Variants in RNF157 observed in about 807,000 individuals in gnomAD.
RNF157 encodes E3 ubiquitin ligase RNF157.
RNF157 carries 55 observed loss-of-function variants against 88.3 expected under a neutral mutation model. The ratio of observed to expected loss-of-function variants is 0.62; its 90% confidence interval spans 0.50 to 0.78. The LOEUF is 0.78. RNF157 is among the 30% of genes least tolerant of loss of function. The pLI is 0.00. For missense variants in RNF157, 788 were observed against 860.8 expected (o/e 0.92, Z 1.06); for synonymous variants, 334 against 341.2 (o/e 0.98, Z 0.23).
At chr17:76,220,206 C>T (rs1450719179) in intron 1 of RNF157, among the ~76,000 whole-genome samples, 1 of 151,886 alleles carries the variant, frequency 6.6e-6, no homozygotes, top group African/African-American at 2.4e-5. Context: ...CAAGATGGGA[C>T]TAGAACATCT....
intron 2 of RNF157, among the ~76,000 whole-genome samples, chr17:76,201,078 A>G (rs1033651856): frequency 5.3e-5 from 8 of 152,018 alleles, no homozygotes; most frequent in Non-Finnish European, 8.8e-5. Context: ...ATTCTTCTAA[A>G]CCTATTTCCT....
Position 76,182,811 on chromosome 17 carries a change from ATATATATCC to A in RNF157, c.208-9030_208-9022del, listed in dbSNP as rs1400667945. 1.2e-4 allele frequency among the ~76,000 whole-genome samples: 16 copies of A among 132,790 alleles called. 1 individual carries two copies. Among genetic ancestry groups the A allele is most frequent in the Admixed American group, 3.0e-4 (4 of 13,548 alleles). 87.1% of individuals were successfully genotyped at this position (132,790 alleles called of 152,430 possible). A position where few individuals can be genotyped will look rare whatever the true frequency, so the allele number is the denominator to read the frequency against. On this transcript the variant is annotated intron_variant, in intron 2 of 18. Coordinates refer to ENST00000269391, the MANE Select transcript of RNF157 (RefSeq NM_052916.3). ...TATGAGAGATATATATATGAGAGAG[ATATATATCC>A]TATATATCCTATATATGATATATAG...
Position 76,146,785 on chromosome 17 carries a change from C to T in RNF157, c.1922-1432G>A. ...TGCAGTCCAGAGCCCAGCACAACAC[C>T]TGACCCATAGGAGGACCTGTTCAGC... On this transcript the variant is annotated intron_variant, in intron 18 of 18. Coordinates refer to ENST00000269391, the MANE Select transcript of RNF157 (RefSeq NM_052916.3). This position sits in a 1 kb window ranked among gnomAD's most constrained non-coding sequence, Gnocchi z 4.2. The T allele has an allele frequency of 1.1e-5, 11 of 985,408 alleles. No homozygotes were observed. The highest frequency in any genetic ancestry group is 1.3e-5 in the Non-Finnish European group (11 of 829,860). The allele number at this position is 985,408 out of a possible 1,614,324, so 61.0% of individuals were successfully genotyped here. A position where few individuals can be genotyped will look rare whatever the true frequency, so the allele number is the denominator to read the frequency against.
At position 76,145,371 on chromosome 17, in the gene RNF157, A is replaced by T; in HGVS notation, c.1922-18T>A. ...CCAGGCACCTGGGGAAGAGAAAATG[A>T]ACATTACAGGAGCCAGACCTTTGGC... On this transcript the variant is annotated intron_variant, in intron 18 of 18. Transcript: ENST00000269391. 1 of 1,594,006 alleles carries T rather than the reference A, an allele frequency of 6.3e-7. No individual in the cohort carries two copies. The highest frequency in any genetic ancestry group is 1.1e-5 in the South Asian group (1 of 90,198).
At chr17:76,207,108 A>C (rs1184453778) in intron 2 of RNF157, among the ~76,000 whole-genome samples, 1 of 152,174 alleles carries the variant, frequency 6.6e-6, no homozygotes, top group Non-Finnish European at 1.5e-5. Context: ...TCTGACCCTT[A>C]AGACTTGATA....
At chr17:76,225,768 TC>T (rs1446067395) in intron 1 of RNF157, 12 of 1,531,862 alleles carry the variant, frequency 7.8e-6, no homozygotes, top group Admixed American at 2.2e-5. Context: ...ACCCTTTTCT[TC>T]CCCCTTGCCT....
At chr17:76,149,125 TG>T (rs1051154439) in intron 18 of RNF157, among the ~76,000 whole-genome samples, 8 of 152,068 alleles carry the variant, frequency 5.3e-5, no homozygotes, top group African/African-American at 1.9e-4. Context: ...CCCTTGGTCT[TG>T]GGGCCCTGGA....
chr17:76,202,298 C>T (rs1012295945), intron 2 of RNF157, among the ~76,000 whole-genome samples: 17 of 152,202 alleles, frequency 1.1e-4, no homozygotes, highest in African/African-American at 4.1e-4. Context: ...AATCTCCAAA[C>T]ATAACACGTG....
intron 2 of RNF157, among the ~76,000 whole-genome samples, chr17:76,181,412 G>T (rs905795288): frequency 6.6e-6 from 1 of 152,144 alleles, no homozygotes; most frequent in East Asian, 1.9e-4. Context: ...TTGGAGCACA[G>T]TATGACAAAA....
chr17:76,175,982 T>A (rs112411199), intron 2 of RNF157, among the ~76,000 whole-genome samples: 1,572 of 152,290 alleles, frequency 0.01, 20 homozygotes, highest in African/African-American at 0.035. Context: ...CCCTATACTT[T>A]AGGCTCTCCC....
Position 76,240,211 on chromosome 17 carries a change from C to A in RNF157, c.30G>T (p.Ala10=), listed in dbSNP as rs2145100532. MGALTSRQH[A]GVEEVDIPSN... Reference sequence around the variant, plus strand: ...ACGGGATGTCCACCTCCTCCACGCCCGCGTGCTGCCGGCTCGTCAGGGCCC... The same window carrying A: ...ACGGGATGTCCACCTCCTCCACGCCAGCGTGCTGCCGGCTCGTCAGGGCCC... Residue 10 remains alanine (A), a synonymous_variant, in exon 1 of 19, where the codon GCG becomes GCT. Transcript: ENST00000269391. This position sits in a 1 kb window ranked among gnomAD's most constrained non-coding sequence, Gnocchi z 4.4. 1 of 1,400,424 alleles carries A rather than the reference C, an allele frequency of 7.1e-7. No individual in the cohort carries two copies. The highest frequency in any genetic ancestry group is 2.8e-5 in the East Asian group (1 of 35,282). 86.7% of individuals were successfully genotyped at this position (1,400,424 alleles called of 1,614,324 possible).
intron 2 of RNF157, among the ~76,000 whole-genome samples, chr17:76,179,939 G>C (rs2069164484): frequency 6.6e-6 from 1 of 152,042 alleles, no homozygotes; most frequent in Admixed American, 6.6e-5. Context: ...GTCTGCAAAG[G>C]GTAATTTTCT....
Position 76,156,320 on chromosome 17 carries a change from T to C in RNF157, c.1415A>G (p.Glu472Gly). 6.2e-7 allele frequency: 1 copy of C among 1,613,848 alleles called. No homozygotes were observed. Among genetic ancestry groups the C allele is most frequent in the Non-Finnish European group, 8.5e-7 (1 of 1,179,914 alleles). ...QRPSVQHLGE[E>G]CGVTPESENL... ...CTCACTTTCTGGAGTCACACCACAT[T>C]CCTGGGGGTTGTGGGGGGACACAAC... is the stretch of plus-strand genomic sequence containing the variant. The change falls in exon 14 of 19, where the codon GAA becomes GGA. Residue 472 changes from glutamate (E) to glycine (G), a missense_variant and splice_region_variant. Coordinates refer to ENST00000269391, the MANE Select transcript of RNF157 (RefSeq NM_052916.3).
rs781601742 is a variant in RNF157, at chr17:76,159,540, C to T, written c.1099G>A (p.Val367Ile). The T allele has an allele frequency of 2.1e-5, 34 of 1,599,842 alleles. No homozygotes were observed. Among genetic ancestry groups the T allele is most frequent in the Non-Finnish European group, 2.7e-5 (32 of 1,176,368 alleles). ...CCGTTGAGGGCCTCCAGAAGAGATACTACTTCATAGCCTGGTGGAATATTC... is the reference window on the plus strand; with the variant it reads ...CCGTTGAGGGCCTCCAGAAGAGATATTACTTCATAGCCTGGTGGAATATTC... ...SENIPPGYEV[V>I]SLLEALNGPL... The change falls in exon 12 of 19, where the codon GTA becomes ATA. Residue 367 changes from valine to isoleucine, a missense_variant. Coordinates refer to ENST00000269391, the MANE Select transcript of RNF157 (RefSeq NM_052916.3).
intron 2 of RNF157, among the ~76,000 whole-genome samples, chr17:76,194,750 T>C (rs984172730): frequency 3.9e-5 from 6 of 152,132 alleles, no homozygotes; most frequent in South Asian, 2.1e-4. Flanking sequence ...GCACGGTGGC[T>C]CACACCTGTA....
At chr17:76,166,579 A>G (rs552548326) in intron 5 of RNF157, 52 bp from the exon 6 acceptor site, 37 of 1,403,326 alleles carry the variant, frequency 2.6e-5, no homozygotes, top group South Asian at 3.5e-5. Flanking sequence ...ACACATTTAC[A>G]TGGCACAGCT....
chr17:76,185,721 G>A (rs1201723278), intron 2 of RNF157, among the ~76,000 whole-genome samples: 1 of 151,952 alleles, frequency 6.6e-6, no homozygotes, highest in Non-Finnish European at 1.5e-5. Flanking sequence ...CGCCCGCCTC[G>A]GCCTCCCAAA....
rs1490150396 is a variant in RNF157, at chr17:76,156,549, C to T, written c.1414-228G>A. ...GCACACTTCAGTCAACACCTCCTGC[C>T]CAGGGCACAGCATCTGCTGCGGCCA... On this transcript the variant is annotated intron_variant, in intron 13 of 18. Transcript: ENST00000269391. 3.0e-6 allele frequency: 3 copies of T among 984,880 alleles called. No homozygotes were observed. In the African/African-American group the frequency reaches 5.2e-5, roughly 17 times the overall value. 61.0% of individuals were successfully genotyped at this position (984,880 alleles called of 1,614,324 possible).
At position 76,195,133 on chromosome 17, in the gene RNF157, A is replaced by G. The variant is rs191614740; in HGVS notation, c.207+17231T>C. On this transcript the variant is annotated intron_variant, in intron 2 of 18. Coordinates refer to ENST00000269391, the MANE Select transcript of RNF157 (RefSeq NM_052916.3). This position sits in a 1 kb window ranked among gnomAD's most constrained non-coding sequence, Gnocchi z 4.4. ...CGATTCAGGAGAACAGAAAGGGCCGAAATCCCAAATGGCAGAAACATATTC... is the reference window on the plus strand; with the variant it reads ...CGATTCAGGAGAACAGAAAGGGCCGGAATCCCAAATGGCAGAAACATATTC... 1.4e-3 allele frequency among the ~76,000 whole-genome samples: 214 copies of G among 152,352 alleles called. No individual in the cohort carries two copies. Among genetic ancestry groups the G allele is most frequent in the African/African-American group, 4.6e-3 (192 of 41,584 alleles).
Sources: allele counts gnomAD v4.1 joint callset (sites outside exome capture counted in the v4.1 genomes callset), GRCh38; gene constraint gnomAD v4.1.1; non-coding constraint Gnocchi (gnomAD v3.1); transcripts MANE v1.5; gene names NCBI Gene and HGNC (gene_info 2026-07-23, HGNC 2026-07-21).